Variants in DCP1B observed in about 807,000 individuals in gnomAD.
DCP1B encodes decapping mRNA 1B.
A neutral mutation model predicts 60.5 loss-of-function variants in DCP1B; 47 were observed. The observed-to-expected ratio is 0.78, with a 90% CI of 0.61 to 0.99. The LOEUF is 0.99. Ranked by LOEUF, DCP1B falls within the 50% of genes least tolerant of loss-of-function variation. DCP1B has a pLI of 0.00. For synonymous variants in DCP1B, 267 were observed against 280.3 expected, an observed-to-expected ratio of 0.95 and a Z score of 0.47; for missense variants, 725 against 756.8, an observed-to-expected ratio of 0.96 and a Z score of 0.49.
chr12:1,969,057 ACAG>A (rs1260296829), intron 3 of DCP1B, among the ~76,000 whole-genome samples: 1 of 152,222 alleles, frequency 6.6e-6, no homozygotes, highest in East Asian at 1.9e-4. Flanking sequence ...TTCACTGAAA[ACAG>A]CAGCAATATT....
At chr12:1,992,915 C>T in intron 3 of DCP1B, 1 of 541,072 alleles carries the variant, frequency 1.8e-6, no homozygotes, top group South Asian at 2.7e-5. Context: ...ATTCTTCGTT[C>T]AGGGAGCCAC....
At chr12:2,000,018 G>C (rs1007338684) in intron 1 of DCP1B, among the ~76,000 whole-genome samples, 3 of 152,120 alleles carry the variant, frequency 2.0e-5, no homozygotes, top group African/African-American at 7.2e-5. Flanking sequence ...TGTATATCCT[G>C]AGTGTACCTG....
In DCP1B at chr12:1,967,878, C is replaced by T. The variant is rs577649881; in HGVS notation, c.352G>A (p.Glu118Lys). 2 of 1,612,978 alleles carry T rather than the reference C, an allele frequency of 1.2e-6. No individual in the cohort carries two copies. The highest frequency in any genetic ancestry group is 3.3e-5 in the Admixed American group (2 of 59,820). The change falls in exon 4 of 9, where the codon GAA (glutamate) becomes AAA (lysine). Residue 118 changes from glutamate to lysine, a missense_variant. Coordinates refer to ENST00000280665, the MANE Select transcript of DCP1B (RefSeq NM_152640.5). ...AGCTCTGCAATTCTTTGGCATTCTTCCTTATCATAAAACCAAATTCCATAG... is the reference window on the plus strand; with the variant it reads ...AGCTCTGCAATTCTTTGGCATTCTTTCTTATCATAAAACCAAATTCCATAG... ...SIYGIWFYDK[E>K]ECQRIAELMK...
intron 4 of DCP1B, among the ~76,000 whole-genome samples, chr12:1,966,419 A>G (rs1321796417): frequency 6.6e-6 from 1 of 152,236 alleles, no homozygotes; most frequent in Non-Finnish European, 1.5e-5. Context: ...GATGTCGAGG[A>G]AAATATACTT....
intron 3 of DCP1B, among the ~76,000 whole-genome samples, chr12:1,973,162 TGA>T (rs1378779499): frequency 6.6e-6 from 1 of 152,228 alleles, no homozygotes; most frequent in African/African-American, 2.4e-5. Flanking sequence ...CACTGGCCAC[TGA>T]GAGTCTACAT....
chr12:2,004,166 C>T (rs2042848168), intron 1 of DCP1B, 116 bp downstream of exon 1: 3 of 1,465,844 alleles, frequency 2.0e-6, no homozygotes, highest in South Asian at 2.5e-5. Flanking sequence ...CCAGATCCAC[C>T]CACTTCCAGG....
At chr12:1,965,787 C>A in intron 4 of DCP1B, 94 bp from the exon 5 acceptor site, 1 of 1,362,634 alleles carries the variant, frequency 7.3e-7, no homozygotes, top group South Asian at 1.6e-5. Context: ...TTGTTTTCAT[C>A]CTGTTACAAC....
intron 2 of DCP1B, among the ~76,000 whole-genome samples, chr12:1,994,027 T>C (rs2154475228): frequency 6.6e-6 from 1 of 152,220 alleles, no homozygotes; most frequent in Non-Finnish European, 1.5e-5. Context: ...CACTATAAGT[T>C]TTTCTCTATA....
intron 2 of DCP1B, 145 bp from the exon 3 acceptor site, chr12:1,993,536 A>AC: frequency 1.1e-6 from 1 of 932,830 alleles, no homozygotes; most frequent in South Asian, 1.7e-5. Context: ...GTACTTCTTC[A>AC]CCACTGGCAT....
intron 2 of DCP1B, among the ~76,000 whole-genome samples, chr12:1,994,239 A>G (rs2040250217): frequency 6.6e-6 from 1 of 152,220 alleles, no homozygotes. Context: ...ATACTTACAC[A>G]CTGAAGCTGA....
At chr12:1,947,711 A>AT (rs1036243219) in intron 8 of DCP1B, among the ~76,000 whole-genome samples, 4 of 152,166 alleles carry the variant, frequency 2.6e-5, no homozygotes, top group Admixed American at 6.5e-5. Context: ...GGTGGCAAAT[A>AT]TTTTTATCCT....
chr12:1,971,266 A>G lies in DCP1B; in HGVS notation c.320-3356T>C. 1 of 832,600 alleles carries G rather than the reference A, an allele frequency of 1.2e-6. No individual in the cohort carries two copies. The highest frequency in any genetic ancestry group is 1.7e-6 in the Non-Finnish European group (1 of 581,862). 51.6% of individuals were successfully genotyped at this position (832,600 alleles called of 1,614,324 possible). Reference sequence around the variant, plus strand: ...TGTTGAAATTTACTCTAAATATCCTAATGATACCTAGAATGTGACTTCCTC... The same window carrying G: ...TGTTGAAATTTACTCTAAATATCCTGATGATACCTAGAATGTGACTTCCTC... On this transcript the variant is annotated intron_variant, in intron 3 of 8. Transcript: ENST00000280665. This position sits in a 1 kb window ranked among gnomAD's most constrained non-coding sequence, Gnocchi z 4.2.
chr12:1,944,511 T>A (rs923927181), downstream of DCP1B, among the ~76,000 whole-genome samples: 13 of 152,188 alleles, frequency 8.5e-5, no homozygotes, highest in Non-Finnish European at 1.5e-4. Context: ...GCTGCAGGCA[T>A]CATGTTACCT....
chr12:2,003,911 A>C (rs2042756484), intron 1 of DCP1B, among the ~76,000 whole-genome samples: 2 of 151,920 alleles, frequency 1.3e-5, no homozygotes, highest in Admixed American at 1.3e-4. Context: ...TGCCTCCCCC[A>C]TAGCCACAGA....
chr12:1,985,052 C>G (rs1027833666), intron 3 of DCP1B, among the ~76,000 whole-genome samples: 1 of 150,332 alleles, frequency 6.7e-6, no homozygotes, highest in South Asian at 2.1e-4. Flanking sequence ...AAAAAAAAAT[C>G]TTTGTTTTTC....
chr12:1,987,393 G>A (rs542450479), intron 3 of DCP1B, among the ~76,000 whole-genome samples: 1 of 152,110 alleles, frequency 6.6e-6, no homozygotes, highest in Admixed American at 6.5e-5. Context: ...TTTTATGAGA[G>A]AATGTATTTT....
At position 2,004,136 on chromosome 12, in the gene DCP1B, CACA is replaced by C. The variant is rs1020990321; in HGVS notation, c.150+143_150+145del. 77 of 1,204,402 alleles carry C rather than the reference CACA, an allele frequency of 6.4e-5. 1 individual carries two copies. In the African/African-American group the frequency reaches 1.2e-3, roughly 18 times the overall value. 74.6% of individuals were successfully genotyped at this position (1,204,402 alleles called of 1,614,324 possible). On this transcript the variant is annotated intron_variant, in intron 1 of 8. Coordinates refer to ENST00000280665, the MANE Select transcript of DCP1B (RefSeq NM_152640.5). Reference sequence around the variant, plus strand: ...CCCCAAACCCCCGAGACCCCATCTCCACAACTTCGGCCTCAGTCCCCAGATCCA... The same window carrying C: ...CCCCAAACCCCCGAGACCCCATCTCCACTTCGGCCTCAGTCCCCAGATCCA...
In DCP1B at chr12:1,948,231, T is replaced by C. The variant is rs1181312220; in HGVS notation, c.1773+855A>G. On this transcript the variant is annotated intron_variant, in intron 8 of 8. Transcript: ENST00000280665. The surrounding 1 kb of genome is among the most constrained non-coding windows in gnomAD (Gnocchi z 4.8). ...GTGTGCTTTGCTAGGGCACCTGTGCTGAATGTTCTCCCGAGGCTGGTCCCT... is the reference window on the plus strand; with the variant it reads ...GTGTGCTTTGCTAGGGCACCTGTGCCGAATGTTCTCCCGAGGCTGGTCCCT... Among the ~76,000 whole-genome samples the C allele has an allele frequency of 6.6e-6, 1 of 152,222 alleles. No individual in the cohort carries two copies. The highest frequency in any genetic ancestry group is 1.5e-5 in the Non-Finnish European group (1 of 68,038).
At chr12:1,995,285 T>C (rs2040528709) in intron 2 of DCP1B, among the ~76,000 whole-genome samples, 1 of 152,272 alleles carries the variant, frequency 6.6e-6, no homozygotes, top group Admixed American at 6.5e-5. Flanking sequence ...TTTCTGTCAC[T>C]TCTCCAAAGA....
Sources: gnomAD v4.1 joint callset for allele counts (sites outside exome capture counted in the v4.1 genomes callset) on GRCh38, gnomAD v4.1.1 for gene constraint, Gnocchi (gnomAD v3.1) non-coding constraint, MANE v1.5 for transcripts, NCBI Gene and HGNC (gene_info 2026-07-23, HGNC 2026-07-21) for gene names.